Variants in PEAK1 observed in about 807,000 individuals in gnomAD.
PEAK1 encodes inactive tyrosine-protein kinase PEAK1.
A neutral mutation model predicts 124.7 loss-of-function variants in PEAK1; 54 were observed. The ratio of observed to expected loss-of-function variants is 0.43; its 90% CI spans 0.35 to 0.54. The LOEUF is 0.54. Ranked by LOEUF, PEAK1 falls within the 20% of genes least tolerant of loss-of-function variation. The probability of loss-of-function intolerance (pLI) is 0.01; values close to 1 mark genes in which losing one functional copy is unlikely to be tolerated. For missense variants in PEAK1, 2,046 were observed against 2,134.5 expected (o/e 0.96, Z 0.82); for synonymous variants, 719 against 760.0 (o/e 0.95, Z 0.89).
Position 77,109,579 on chromosome 15 carries a change from C to G in PEAK1, c.*4577G>C, listed in dbSNP as rs1040446496. Reference sequence around the variant, plus strand: ...GGCACCGTTTTTGGTCCATGGAATCCCCACTTTTGGCACTGCTGTAAGCAC... The same window carrying G: ...GGCACCGTTTTTGGTCCATGGAATCGCCACTTTTGGCACTGCTGTAAGCAC... On this transcript the variant is annotated 3_prime_UTR_variant, in exon 10 of 10. Transcript: ENST00000682557. The G allele has an allele frequency of 6.6e-6, 1 of 152,164 alleles. No homozygotes were observed. Among genetic ancestry groups the G allele is most frequent in the South Asian group, 2.1e-4 (1 of 4,826 alleles). The allele number at this position is 152,164 out of a possible 1,614,324, so 9.4% of individuals were successfully genotyped here.
intron 2 of PEAK1, among the ~76,000 whole-genome samples, chr15:77,311,759 G>A (rs1420031112): frequency 6.6e-6 from 1 of 150,984 alleles, no homozygotes. Context: ...GAGATAAGGT[G>A]TGCGTCTGGT....
chr15:77,393,753 G>T (rs1449894822), intron 1 of PEAK1, among the ~76,000 whole-genome samples: 1 of 152,182 alleles, frequency 6.6e-6, no homozygotes, highest in Non-Finnish European at 1.5e-5. Flanking sequence ...GGAGAGGGAA[G>T]AGTAAAGGAG....
chr15:77,316,186 C>T (rs754415564), intron 2 of PEAK1, among the ~76,000 whole-genome samples: 4 of 152,090 alleles, frequency 2.6e-5, no homozygotes, highest in South Asian at 2.1e-4. Flanking sequence ...TTTTTCTTTA[C>T]GTGCATGTGT....
intron 2 of PEAK1, among the ~76,000 whole-genome samples, chr15:77,301,170 T>C (rs2063765893): frequency 6.6e-6 from 1 of 152,232 alleles, no homozygotes. Context: ...CTGCACTCTC[T>C]TAGAAGTCTC....
intron 7 of PEAK1, among the ~76,000 whole-genome samples, chr15:77,161,159 A>C (rs2055601805): frequency 6.6e-6 from 1 of 152,234 alleles, no homozygotes; most frequent in Non-Finnish European, 1.5e-5. Flanking sequence ...GGAAAATTTC[A>C]CAGGGCCTTC....
intron 2 of PEAK1, among the ~76,000 whole-genome samples, chr15:77,302,789 T>C (rs1194577739): frequency 1.3e-5 from 2 of 152,192 alleles, no homozygotes; most frequent in African/African-American, 4.8e-5. Flanking sequence ...TTCAAAAATT[T>C]GTACACATTA....
chr15:77,307,742 C>T (rs1457978337), intron 2 of PEAK1, among the ~76,000 whole-genome samples: 2 of 151,976 alleles, frequency 1.3e-5, no homozygotes, highest in African/African-American at 4.8e-5. Context: ...CATGTACTTC[C>T]CCCTCTCAAC....
At chr15:77,129,621 T>TTG (rs2052684203) in intron 9 of PEAK1, among the ~76,000 whole-genome samples, 1 of 146,306 alleles carries the variant, frequency 6.8e-6, no homozygotes, top group African/African-American at 2.5e-5. Context: ...TTTTTTTGTA[T>TTG]TTTTAGCAGA....
At chr15:77,418,682 G>C (rs918872353) in intron 1 of PEAK1, 23 of 985,300 alleles carry the variant, frequency 2.3e-5, no homozygotes, top group African/African-American at 1.9e-4. Context: ...CTGAGATTAC[G>C]AGAGAAGCCA....
chr15:77,313,366 A>C (rs2064598528), intron 2 of PEAK1, among the ~76,000 whole-genome samples: 1 of 152,192 alleles, frequency 6.6e-6, no homozygotes, highest in South Asian at 2.1e-4. Context: ...GAGGAAGAAT[A>C]AACAAATTTC....
intron 6 of PEAK1, among the ~76,000 whole-genome samples, chr15:77,220,768 T>G (rs977011711): frequency 5.9e-5 from 9 of 152,070 alleles, no homozygotes; most frequent in Non-Finnish European, 8.8e-5. Flanking sequence ...TTCTTATGTG[T>G]TTTTTATGAC....
At chr15:77,420,715 A>G, upstream of PEAK1, 1 of 396,314 alleles carries the variant, frequency 2.5e-6, no homozygotes, top group Non-Finnish European at 4.4e-6. Context: ...TTGGGGCAAA[A>G]TAATCCCTTC....
At chr15:77,406,512 A>G (rs1186830945) in intron 1 of PEAK1, among the ~76,000 whole-genome samples, 4 of 152,190 alleles carry the variant, frequency 2.6e-5, no homozygotes, top group African/African-American at 9.7e-5. Context: ...TCAAATCAAT[A>G]ACTCAACCCC....
chr15:77,105,569 T>C (rs938649799), downstream of PEAK1: 2 of 152,246 alleles, frequency 1.3e-5, no homozygotes, highest in Admixed American at 6.5e-5. Flanking sequence ...CAACAACTTG[T>C]GATCTGCCAA....
At chr15:77,419,581 G>A (rs2073194878) in intron 1 of PEAK1, 2 of 985,214 alleles carry the variant, frequency 2.0e-6, no homozygotes, top group Non-Finnish European at 2.4e-6. Context: ...GGACCCGGCA[G>A]GAGCCAGAGA....
At chr15:77,217,572 C>T (rs2059204733) in intron 6 of PEAK1, among the ~76,000 whole-genome samples, 1 of 152,172 alleles carries the variant, frequency 6.6e-6, no homozygotes, top group South Asian at 2.1e-4. Context: ...TTTCATTAGG[C>T]ATCTACCTCA....
chr15:77,284,702 G>T (rs2062832277), intron 4 of PEAK1, among the ~76,000 whole-genome samples: 1 of 152,124 alleles, frequency 6.6e-6, no homozygotes. Flanking sequence ...GACACTAATA[G>T]CAAAAGGAGC....
At chr15:77,258,353 C>A (rs1399366070) in intron 5 of PEAK1, among the ~76,000 whole-genome samples, 2 of 152,110 alleles carry the variant, frequency 1.3e-5, no homozygotes, top group African/African-American at 4.8e-5. Context: ...TTCTTCCTAC[C>A]CATGAGCGTG....
intron 9 of PEAK1, among the ~76,000 whole-genome samples, chr15:77,132,329 C>A (rs535337049): frequency 1.3e-5 from 2 of 152,054 alleles, no homozygotes; most frequent in East Asian, 3.9e-4. Flanking sequence ...AAGCTATCCA[C>A]CTGGTTTGGG....
Sources: gnomAD v4.1 joint callset for allele counts (sites outside exome capture counted in the v4.1 genomes callset) on GRCh38, gnomAD v4.1.1 for gene constraint, MANE v1.5 for transcripts, NCBI Gene and HGNC (gene_info 2026-07-23, HGNC 2026-07-21) for gene names.